ZBTB24: variants seen among roughly 807,000 people sequenced by gnomAD.
ZBTB24 encodes the protein zinc finger and BTB domain-containing protein 24.
Under a neutral mutation model 53.8 loss-of-function variants are expected in ZBTB24, and 32 were observed. The observed-to-expected ratio is 0.60, with a 90% CI of 0.45 to 0.80. ZBTB24 has a LOEUF of 0.80. Ranked by LOEUF, ZBTB24 falls within the 30% of genes least tolerant of loss-of-function variation. ZBTB24 has a pLI of 0.00. For missense variants in ZBTB24, 722 were observed against 837.1 expected (o/e 0.86, Z 1.70); for synonymous variants, 297 against 306.7 (o/e 0.97, Z 0.33).
rs536725797 is a variant in ZBTB24, at chr6:109,477,196, C to T, written c.953-266G>A. Among the ~76,000 whole-genome samples the T allele has an allele frequency of 3.3e-5, 5 of 152,268 alleles. No individual in the cohort carries two copies. In the East Asian group the frequency reaches 5.8e-4, roughly 18 times the overall value. On this transcript the variant is annotated intron_variant, in intron 2 of 6. Coordinates refer to ENST00000230122, the MANE Select transcript of ZBTB24 (RefSeq NM_014797.3). ...TATCACCCAGGCTGGAGTGCAGTGG[C>T]GCTACCATAGCTGACTATAGCCTCA...
In ZBTB24 at chr6:109,476,843, T is replaced by C; in HGVS notation, c.1040A>G (p.Glu347Gly). The change falls in exon 3 of 7, where the codon GAG (glutamate) becomes GGG (glycine). Residue 347 changes from glutamate (E) to glycine (G), a missense_variant. By Grantham distance (98) the Glu-to-Gly change is moderately conservative. Coordinates refer to ENST00000230122, the MANE Select transcript of ZBTB24 (RefSeq NM_014797.3). The stretch of plus-strand genomic sequence containing the variant: ...GCACACGGTGCAGGTGTACGGCCGC[T>C]CGCCTGTGTGCATCCTGGTGTGGAC... ...LQVHTRMHTG[E>G]RPYTCTVCSK... 6.2e-7 allele frequency: 1 copy of C among 1,614,196 alleles called. No homozygotes were observed. The highest frequency in any genetic ancestry group is 8.5e-7 in the Non-Finnish European group (1 of 1,180,026).
Position 109,462,889 on chromosome 6 carries a change from T to C in ZBTB24, c.*2962A>G, listed in dbSNP as rs1354568471. On this transcript the variant is annotated 3_prime_UTR_variant, in exon 7 of 7. Coordinates refer to ENST00000230122, the MANE Select transcript of ZBTB24 (RefSeq NM_014797.3). ...AATTTAAAAAATGGTACACATTTAG[T>C]AGAAAATGAATTGTGAAACACTGCA... The C allele has an allele frequency of 6.6e-6, 1 of 152,246 alleles. No individual in the cohort carries two copies. The highest frequency in any genetic ancestry group is 1.5e-5 in the Non-Finnish European group (1 of 68,038). 9.4% of individuals were successfully genotyped at this position (152,246 alleles called of 1,614,324 possible). A position where few individuals can be genotyped will look rare whatever the true frequency, so the allele number is the denominator to read the frequency against.
At position 109,476,743 on chromosome 6, in the gene ZBTB24, C is replaced by T. The variant is rs753988367; in HGVS notation, c.1120+20G>A. 6.2e-7 allele frequency: 1 copy of T among 1,610,532 alleles called. No individual in the cohort carries two copies. The highest frequency in any genetic ancestry group is 1.7e-5 in the Admixed American group (1 of 59,860). ...GAATGGGAATCTGGTGAAGCTGGCC[C>T]TCTGGGCAAGCCCCACTACCTGAGT... On this transcript the variant is annotated intron_variant, in intron 3 of 6. Transcript: ENST00000230122.
rs893040845 is a variant in ZBTB24, at chr6:109,464,224, T to C, written c.*1627A>G. ...GTTTGGTTGATACATATAAGATATA[T>C]ATCATTTTGGAAGTTTTGTGAATTA... is the stretch of plus-strand genomic sequence containing the variant. On this transcript the variant is annotated 3_prime_UTR_variant, in exon 7 of 7. Coordinates refer to ENST00000230122, the MANE Select transcript of ZBTB24 (RefSeq NM_014797.3). The C allele has an allele frequency of 1.3e-5, 2 of 152,222 alleles. No individual in the cohort carries two copies. The highest frequency in any genetic ancestry group is 2.9e-5 in the Non-Finnish European group (2 of 68,034). The allele number at this position is 152,222 out of a possible 1,614,324, so 9.4% of individuals were successfully genotyped here.
At position 109,466,480 on chromosome 6, in the gene ZBTB24, G is replaced by A; in HGVS notation, c.1465C>T (p.Pro489Ser). 1 of 1,614,230 alleles carries A rather than the reference G, an allele frequency of 6.2e-7. No homozygotes were observed. ...AAGTTACACTCAGGGCAGGAGAAAG[G>A]CTTCTTGCCAGTGTGTAGAATGCAG... ...RHCILHTGKK[P>S]FSCPECNLQF... Residue 489 changes from proline (P) to serine (S), a missense_variant, in exon 7 of 7, where the codon CCT becomes TCT. By Grantham distance (74) the Pro-to-Ser change is moderately conservative (BLOSUM62 -1). Transcript: ENST00000230122.
chr6:109,469,778 T>G (rs1776127519), intron 5 of ZBTB24, among the ~76,000 whole-genome samples: 1 of 151,986 alleles, frequency 6.6e-6, no homozygotes, highest in South Asian at 2.1e-4. Flanking sequence ...GCAGACAGGG[T>G]GCTGGATGGG....
In ZBTB24 at chr6:109,465,359, A is replaced by G; in HGVS notation, c.*492T>C. 2.4e-6 allele frequency: 1 copy of G among 410,002 alleles called. No homozygotes were observed. The highest frequency in any genetic ancestry group is 4.4e-6 in the Non-Finnish European group (1 of 228,282). 25.4% of individuals were successfully genotyped at this position (410,002 alleles called of 1,614,324 possible). Reference sequence around the variant, plus strand: ...TATTAAAAGGGCAAATTCCCCATACATTGTGATCTGTCATATTTAGCCCTG... The same window carrying G: ...TATTAAAAGGGCAAATTCCCCATACGTTGTGATCTGTCATATTTAGCCCTG... On this transcript the variant is annotated 3_prime_UTR_variant, in exon 7 of 7. Transcript: ENST00000230122.
intron 5 of ZBTB24, among the ~76,000 whole-genome samples, chr6:109,468,931 A>AG (rs1246043482): frequency 6.6e-5 from 9 of 135,786 alleles, no homozygotes; most frequent in Admixed American, 2.2e-4. Flanking sequence ...TTGGAAAAAA[A>AG]GAAAAAAAAA....
intron 1 of ZBTB24, 41 bp from the exon 2 acceptor site, chr6:109,482,095 T>C: frequency 7.1e-7 from 1 of 1,409,372 alleles, no homozygotes; most frequent in Non-Finnish European, 1.0e-6. Context: ...GAAAGCACTG[T>C]CTAAAAGGTT....
Position 109,475,462 on chromosome 6 carries a change from T to G in ZBTB24, c.1225A>C (p.Lys409Gln). ...TCCATGAATTTGCGATGGCAGTCTT[T>G]GCATTCCGGTAATGAGTGGCCTTGT... ...VHTGHSLPECKDCHRKFMDVS... is the reference protein window; with the variant it reads ...VHTGHSLPECQDCHRKFMDVS... Residue 409 changes from lysine to glutamine, a missense_variant, in exon 5 of 7, where the codon AAA (lysine) becomes CAA (glutamine). Transcript: ENST00000230122. 6.2e-7 allele frequency: 1 copy of G among 1,614,208 alleles called. No individual in the cohort carries two copies. Among genetic ancestry groups the G allele is most frequent in the Non-Finnish European group, 8.5e-7 (1 of 1,180,042 alleles).
At position 109,476,189 on chromosome 6, in the gene ZBTB24, T is replaced by C; in HGVS notation, c.1190A>G (p.Tyr397Cys). The C allele has an allele frequency of 1.9e-6, 3 of 1,614,180 alleles. No homozygotes were observed. The highest frequency in any genetic ancestry group is 2.5e-6 in the Non-Finnish European group (3 of 1,180,028). Reference protein sequence around the residue: ...FSQNRQLKSHYRVHTGHSLPE... With the variant: ...FSQNRQLKSHCRVHTGHSLPE... The stretch of plus-strand genomic sequence containing the variant: ...CTTTATCGTACCTGTATGAACTCGG[T>C]AATGGCTCTTTAGCTGTCTGTTCTG... The change falls in exon 4 of 7, where the codon TAC becomes TGC. Residue 397 changes from tyrosine to cysteine, a missense_variant. Physicochemically the swap from Tyr to Cys is radical, Grantham distance 194 (BLOSUM62 -2). Transcript: ENST00000230122.
rs1329081249 is a variant in ZBTB24 at position 109,464,876 on chromosome 6, T to C, written c.*975A>G. The C allele has an allele frequency of 1.3e-5, 2 of 152,228 alleles. No homozygotes were observed. Among genetic ancestry groups the C allele is most frequent in the Non-Finnish European group, 2.9e-5 (2 of 68,028 alleles). The allele number at this position is 152,228 out of a possible 1,614,324, so 9.4% of individuals were successfully genotyped here. The stretch of plus-strand genomic sequence containing the variant: ...ACTAGTCTGCAATAAAAATGAATTA[T>C]AAGCTTCCATCTCCAGAAAGTTATC... On this transcript the variant is annotated 3_prime_UTR_variant, in exon 7 of 7. Coordinates refer to ENST00000230122, the MANE Select transcript of ZBTB24 (RefSeq NM_014797.3).
At position 109,466,195 on chromosome 6, in the gene ZBTB24, T is replaced by A. The variant is rs139491074; in HGVS notation, c.1750A>T (p.Met584Leu). Residue 584 changes from methionine to leucine, a missense_variant, in exon 7 of 7, where the codon ATG (methionine) becomes TTG (leucine). By Grantham distance (15) the Met-to-Leu change is conservative. Transcript: ENST00000230122. The part of the protein sequence containing the change: ...SIVTAESSQN[M>L]TADQAANLTL... ...AGATTAGCAGCCTGGTCTGCAGTCATGTTTTGGGAACTCTCTGCAGTCACA... is the reference window on the plus strand; with the variant it reads ...AGATTAGCAGCCTGGTCTGCAGTCAAGTTTTGGGAACTCTCTGCAGTCACA... 1.1e-3 allele frequency: 1,804 copies of A among 1,614,242 alleles called. 2 individuals carry two copies. The highest frequency in any genetic ancestry group is 1.3e-3 in the Non-Finnish European group (1,584 of 1,180,028).
Position 109,467,352 on chromosome 6 carries a change from G to A in ZBTB24, c.1370+301C>T, listed in dbSNP as rs548253121. On this transcript the variant is annotated intron_variant, in intron 6 of 6. Transcript: ENST00000230122. ...AGCCTGGTCAACATGGTGAAATCCC[G>A]TCTCTACCAAAAAAATACAAAAACT... Among the ~76,000 whole-genome samples the A allele has an allele frequency of 9.2e-5, 14 of 152,120 alleles. No individual in the cohort carries two copies. The South Asian group carries it at 2.7e-3, about 29-fold the overall frequency.
intron 2 of ZBTB24, among the ~76,000 whole-genome samples, chr6:109,478,759 C>A (rs1776332701): frequency 6.6e-6 from 1 of 151,026 alleles, no homozygotes; most frequent in African/African-American, 2.4e-5. Flanking sequence ...CCCACCCTTA[C>A]ATATGATTTA....
rs368488322 is a variant in ZBTB24, at chr6:109,481,188, T to C, written c.839A>G (p.Lys280Arg). 6.2e-7 allele frequency: 1 copy of C among 1,614,214 alleles called. No individual in the cohort carries two copies. ...VGDQEDHGSA[K>R]RICGRRKRPG... ...GCGCTTTCTCCTTCCACAGATCCTC[T>C]TGGCTGAACCATGGTCCTCTTGATC... The change falls in exon 2 of 7, where the codon AAG becomes AGG. Residue 280 changes from lysine to arginine, a missense_variant. Physicochemically the swap from Lys to Arg is conservative, Grantham distance 26. Coordinates refer to ENST00000230122, the MANE Select transcript of ZBTB24 (RefSeq NM_014797.3).
At chr6:109,474,918 C>T (rs1435147405) in intron 5 of ZBTB24, among the ~76,000 whole-genome samples, 1 of 151,474 alleles carries the variant, frequency 6.6e-6, no homozygotes, top group Non-Finnish European at 1.5e-5. Context: ...TGGTTTGCAC[C>T]TGTGGTCCCA....
In ZBTB24 at chr6:109,476,795, T is replaced by G. The variant is rs371137402; in HGVS notation, c.1088A>C (p.His363Pro). The G allele has an allele frequency of 1.2e-6, 2 of 1,613,754 alleles. No homozygotes were observed. The highest frequency in any genetic ancestry group is 1.7e-6 in the Non-Finnish European group (2 of 1,179,980). The change falls in exon 3 of 7, where the codon CAC (histidine) becomes CCC (proline). Residue 363 changes from histidine to proline, a missense_variant. Coordinates refer to ENST00000230122, the MANE Select transcript of ZBTB24 (RefSeq NM_014797.3). ...CAGGCTCATGTGCTCCAGCAGTGAG[T>G]GCTTGGTGGTCAGAGCCTTGCTGCA... ...TVCSKALTTK[H>P]SLLEHMSLHS...
At chr6:109,466,851 TAAGAA>T (rs1167456122) in intron 6 of ZBTB24, among the ~76,000 whole-genome samples, 2 of 152,166 alleles carry the variant, frequency 1.3e-5, no homozygotes, top group African/African-American at 2.4e-5. Flanking sequence ...GTATTTCAGA[TAAGAA>T]AAGAGAGTAA....
Sources: allele counts gnomAD v4.1 joint callset (sites outside exome capture counted in the v4.1 genomes callset), GRCh38; gene constraint gnomAD v4.1.1; transcripts MANE v1.5; gene names NCBI Gene and HGNC (gene_info 2026-07-23, HGNC 2026-07-21).